The following VWA3A variants were observed in gnomAD, a reference collection of about 807,000 sequenced individuals.
VWA3A encodes the protein von Willebrand factor A domain-containing protein 3A.
In VWA3A, 134 loss-of-function variants were observed where a neutral mutation model predicts 160.4. That is an observed-to-expected ratio of 0.84 (90% CI 0.73 to 0.96). The LOEUF (loss-of-function observed/expected upper bound fraction) is 0.96, where lower values mean the gene tolerates loss of function less well. VWA3A is among the 40% of genes least tolerant of loss of function. The pLI is 0.00. For synonymous variants in VWA3A, 476 were observed against 543.4 expected (o/e 0.88, Z 1.72); for missense variants, 1,310 against 1,447.9 (o/e 0.90, Z 1.55).
rs909358956 is a variant in VWA3A at position 22,152,663 on chromosome 16, T to A, written c.3405+29T>A. The A allele has an allele frequency of 8.8e-6, 14 of 1,586,470 alleles. No homozygotes were observed. The African/African-American group carries it at 1.3e-4, about 15-fold the overall frequency. On this transcript the variant is annotated intron_variant, in intron 31 of 33. Coordinates refer to ENST00000389398, the MANE Select transcript of VWA3A (RefSeq NM_173615.5). ...GGTTGCAGAGCCACTGAGCATGAGGTCTGTTGAAACGGCTCGATAAAATAT... is the reference window on the plus strand; with the variant it reads ...GGTTGCAGAGCCACTGAGCATGAGGACTGTTGAAACGGCTCGATAAAATAT...
chr16:22,146,724 G>A (rs893672492), intron 27 of VWA3A, among the ~76,000 whole-genome samples: 10 of 151,630 alleles, frequency 6.6e-5, no homozygotes, highest in South Asian at 2.1e-4. Flanking sequence ...AGCTGAGATC[G>A]CGCCACTGCA....
chr16:22,153,435 T>C (rs2046384276), intron 31 of VWA3A, among the ~76,000 whole-genome samples: 1 of 152,208 alleles, frequency 6.6e-6, no homozygotes, highest in Non-Finnish European at 1.5e-5. Context: ...TGTGCTTTAA[T>C]TCCTGCATAT....
chr16:22,115,327 CTGT>C lies in VWA3A; in HGVS notation c.690-13_690-11del. On this transcript the variant is annotated splice_polypyrimidine_tract_variant and intron_variant, in intron 8 of 33. Transcript: ENST00000389398. ...TACAAACAGTCTTATAATTAGGTTG[CTGT>C]TGTTGTCTCCTCCCAGCCTCCAGGA... The C allele has an allele frequency of 6.4e-7, 1 of 1,570,500 alleles. No individual in the cohort carries two copies.
rs1191564483 is a variant in VWA3A at position 22,152,518 on chromosome 16, G to T, written c.3289G>T (p.Val1097Phe). 7 of 1,612,410 alleles carry T rather than the reference G, an allele frequency of 4.3e-6. No individual in the cohort carries two copies. In the South Asian group the frequency reaches 6.6e-5, roughly 15 times the overall value. The change falls in exon 31 of 34, where the codon GTT becomes TTT. Residue 1097 changes from valine (V) to phenylalanine (F), a missense_variant. Physicochemically the swap from Val to Phe is conservative, Grantham distance 50 (BLOSUM62 -1). Transcript: ENST00000389398. ...ISLNCSDRAA[V>F]EFLRKLASFT... ...TCTGTCCCTTCCTTCCAGAGCGGCG[G>T]TTGAGTTCCTGAGAAAGCTGGCTTC...
intron 9 of VWA3A, chr16:22,116,379 AAGAG>A: frequency 2.2e-6 from 1 of 447,924 alleles, no homozygotes; most frequent in Non-Finnish European, 4.4e-6. Flanking sequence ...AGAGAGAAAA[AAGAG>A]GAAGGAAAGA....
intron 17 of VWA3A, 73 bp from the exon 18 acceptor site, chr16:22,131,132 G>T: frequency 7.0e-7 from 1 of 1,438,626 alleles, no homozygotes; most frequent in South Asian, 1.2e-5. Flanking sequence ...CTAAAAGCCT[G>T]CAAAGCCCAA....
chr16:22,116,185 GAAGGA>G (rs934581255), intron 9 of VWA3A, among the ~76,000 whole-genome samples: 1 of 145,928 alleles, frequency 6.9e-6, no homozygotes, highest in African/African-American at 2.5e-5. Context: ...AAGAATGAAA[GAAGGA>G]AAGAAAAGAG....
intron 6 of VWA3A, among the ~76,000 whole-genome samples, chr16:22,107,821 A>G (rs1332222169): frequency 6.6e-6 from 1 of 152,086 alleles, no homozygotes; most frequent in Non-Finnish European, 1.5e-5. Flanking sequence ...TCAGCCCATG[A>G]CCCACACCTT....
chr16:22,136,759 G>A (rs1164497778), intron 21 of VWA3A, among the ~76,000 whole-genome samples: 2 of 152,052 alleles, frequency 1.3e-5, no homozygotes, highest in African/African-American at 2.4e-5. Flanking sequence ...CCAGCTGGGC[G>A]TAGTGGCTCA....
chr16:22,144,417 T>G, intron 26 of VWA3A, 33 bp downstream of exon 26: 1 of 1,608,852 alleles, frequency 6.2e-7, no homozygotes, highest in Non-Finnish European at 8.5e-7. Context: ...GTCTTTTTTT[T>G]CTCCCCCAAC....
intron 24 of VWA3A, among the ~76,000 whole-genome samples, chr16:22,141,974 T>C (rs917904434): frequency 6.6e-6 from 1 of 152,206 alleles, no homozygotes; most frequent in African/African-American, 2.4e-5. Flanking sequence ...TCCTTAGCTC[T>C]AAGGCAGATG....
Position 22,126,250 on chromosome 16 carries a change from G to A in VWA3A, c.1605G>A (p.Leu535=). ...YIIHIQHSLR[L]LLEEQLSNKD... ...TTCATATCCAGCACTCCCTGCGGCT[G>A]CTGCTGGAGGAGCAGTTATCCAACA... Residue 535 remains leucine, a synonymous_variant, in exon 17 of 34, where the codon CTG becomes CTA. Coordinates refer to ENST00000389398, the MANE Select transcript of VWA3A (RefSeq NM_173615.5). The A allele has an allele frequency of 6.2e-7, 1 of 1,613,946 alleles. No homozygotes were observed. The highest frequency in any genetic ancestry group is 8.5e-7 in the Non-Finnish European group (1 of 1,179,874).
intron 11 of VWA3A, among the ~76,000 whole-genome samples, chr16:22,118,613 G>A (rs923115311): frequency 6.6e-6 from 1 of 152,194 alleles, no homozygotes; most frequent in African/African-American, 2.4e-5. Flanking sequence ...GTGAACCCAG[G>A]AGGCGGAGCT....
chr16:22,152,391 C>T, intron 30 of VWA3A, 120 bp from the exon 31 acceptor site: 4 of 1,323,338 alleles, frequency 3.0e-6, no homozygotes, highest in Non-Finnish European at 4.1e-6. Flanking sequence ...AAGCCACGGC[C>T]CATTGCCAGG....
In VWA3A at chr16:22,131,204, G is replaced by T. The variant is rs749723659; in HGVS notation, c.1653-1G>T. 2.5e-6 allele frequency: 4 copies of T among 1,613,788 alleles called. No individual in the cohort carries two copies. Among genetic ancestry groups the T allele is most frequent in the Admixed American group, 1.7e-5 (1 of 60,012 alleles). ...GAACGAACTCTCTTTGCTTCTTAAAGGTTTGGAAGCACAATTGAAAGCTGG... is the reference window on the plus strand; with the variant it reads ...GAACGAACTCTCTTTGCTTCTTAAATGTTTGGAAGCACAATTGAAAGCTGG... On this transcript the variant is annotated splice_acceptor_variant, in intron 17 of 33. Coordinates refer to ENST00000389398, the MANE Select transcript of VWA3A (RefSeq NM_173615.5). LOFTEE classifies it high-confidence loss of function.
At chr16:22,093,527 G>A (rs1901414843) in intron 1 of VWA3A, among the ~76,000 whole-genome samples, 2 of 152,166 alleles carry the variant, frequency 1.3e-5, no homozygotes, top group South Asian at 4.1e-4. Context: ...CACGCAGTGA[G>A]TGCTCTATAA....
intron 21 of VWA3A, among the ~76,000 whole-genome samples, chr16:22,136,867 C>T (rs2141978798): frequency 7.0e-6 from 1 of 143,750 alleles, no homozygotes; most frequent in South Asian, 2.3e-4. Context: ...CCCGTCTCTA[C>T]TAAAAATACA....
intron 17 of VWA3A, among the ~76,000 whole-genome samples, chr16:22,130,727 C>CT (rs929292446): frequency 1.4e-4 from 22 of 152,144 alleles, no homozygotes; most frequent in African/African-American, 4.6e-4. Context: ...CCTCAGCCTC[C>CT]TAAGTAGCTA....
At chr16:22,125,988 T>C (rs2045841632) in intron 16 of VWA3A, among the ~76,000 whole-genome samples, 190 bp from the exon 17 acceptor site, 2 of 152,138 alleles carry the variant, frequency 1.3e-5, no homozygotes, top group Admixed American at 1.3e-4. Flanking sequence ...GAAGGGGGGC[T>C]TCCATGACCC....
Sources: gnomAD v4.1 joint callset for allele counts (sites outside exome capture counted in the v4.1 genomes callset) on GRCh38, gnomAD v4.1.1 for gene constraint, MANE v1.5 for transcripts, NCBI Gene and HGNC (gene_info 2026-07-23, HGNC 2026-07-21) for gene names.